Variants in FAM151B observed in about 807,000 individuals in gnomAD.
FAM151B encodes the protein family with sequence similarity 151 member B, also known as protein FAM151B.
Under a neutral mutation model 31.2 loss-of-function variants are expected in FAM151B, and 24 were observed. The observed-to-expected ratio is 0.77, with a 90% CI of 0.56 to 1.08. The LOEUF (loss-of-function observed/expected upper bound fraction) is 1.08. Among genes scored for constraint, FAM151B ranks in the 50% least tolerant of loss-of-function variants. FAM151B has a pLI of 0.00. For missense variants in FAM151B, 293 were observed against 328.6 expected (o/e 0.89, Z 0.84); for synonymous variants, 105 against 111.4 (o/e 0.94, Z 0.36).
chr5:80,530,956 T>G (rs1046430941), intron 5 of FAM151B, among the ~76,000 whole-genome samples: 5 of 152,150 alleles, frequency 3.3e-5, no homozygotes, highest in African/African-American at 1.2e-4. Context: ...AGAGCAAAGC[T>G]GGAGGCATCA....
intron 1 of FAM151B, among the ~76,000 whole-genome samples, chr5:80,496,799 ATTTTTTTTTTTTTTTT>A (rs367658683): frequency 3.5e-5 from 2 of 57,738 alleles, no homozygotes; most frequent in African/African-American, 1.2e-4. Flanking sequence ...TTTTTGCTTA[ATTTTTTTTTTTTTTTT>A]TTTTTTTTTT....
intron 5 of FAM151B, among the ~76,000 whole-genome samples, chr5:80,532,629 TCTGCA>T (rs1745295079): frequency 6.6e-6 from 1 of 152,206 alleles, no homozygotes; most frequent in Admixed American, 6.5e-5. Context: ...TGTCACTTAA[TCTGCA>T]CTATAGAGCA....
chr5:80,513,316 A>G (rs1744266171), intron 2 of FAM151B, among the ~76,000 whole-genome samples: 1 of 152,164 alleles, frequency 6.6e-6, no homozygotes, highest in Non-Finnish European at 1.5e-5. Flanking sequence ...TTCATTATGT[A>G]TGTACTTTGC....
Position 80,514,091 on chromosome 5 carries a change from G to A in FAM151B, c.317+322G>A, listed in dbSNP as rs112961040. Among the ~76,000 whole-genome samples the A allele has an allele frequency of 5.9e-3, 901 of 152,306 alleles. 13 individuals are homozygous for A. Among genetic ancestry groups the A allele is most frequent in the African/African-American group, 0.021 (868 of 41,574 alleles). Reference sequence around the variant, plus strand: ...GAGCTGGGAGAAATTCATTGAGCTAGTTAATGCATACCCTATTTGATTTAT... The same window carrying A: ...GAGCTGGGAGAAATTCATTGAGCTAATTAATGCATACCCTATTTGATTTAT... On this transcript the variant is annotated intron_variant, in intron 3 of 5. Coordinates refer to ENST00000282226, the MANE Select transcript of FAM151B (RefSeq NM_205548.3).
At chr5:80,499,452 G>C (rs1301777366) in intron 1 of FAM151B, among the ~76,000 whole-genome samples, 1 of 152,206 alleles carries the variant, frequency 6.6e-6, no homozygotes, top group Non-Finnish European at 1.5e-5. Flanking sequence ...TAGATATGCA[G>C]TAAGATATGC....
Position 80,538,653 on chromosome 5 carries a change from G to A in FAM151B, c.672-3020G>A, listed in dbSNP as rs145557289. Among the ~76,000 whole-genome samples, 570 of 148,544 alleles carry A rather than the reference G, an allele frequency of 3.8e-3. 3 individuals carry two copies. The highest frequency in any genetic ancestry group is 0.013 in the African/African-American group (531 of 40,180). On this transcript the variant is annotated intron_variant, in intron 5 of 5. Transcript: ENST00000282226. The stretch of plus-strand genomic sequence containing the variant: ...GCTCTGTTGCCCAGACTGGAGTGCA[G>A]TGGCAGGATCTTGGCTCACTGCAAC...
intron 1 of FAM151B, among the ~76,000 whole-genome samples, chr5:80,497,111 T>C (rs1743576292): frequency 6.6e-6 from 1 of 150,812 alleles, no homozygotes; most frequent in Non-Finnish European, 1.5e-5. Flanking sequence ...ATGCCCAGCC[T>C]AATTTTTTTC....
At position 80,522,139 on chromosome 5, in the gene FAM151B, G is replaced by C. The variant is rs758338485; in HGVS notation, c.671+1G>C. 1 of 1,610,794 alleles carries C rather than the reference G, an allele frequency of 6.2e-7. No individual in the cohort carries two copies. Among genetic ancestry groups the C allele is most frequent in the Non-Finnish European group, 8.5e-7 (1 of 1,177,462 alleles). ...TTTGGCTGTTAAAGAAATCAAACAG[G>C]TATGTAATAGTTTAACAAATGTGTA... On this transcript the variant is annotated splice_donor_variant, in intron 5 of 5. Coordinates refer to ENST00000282226, the MANE Select transcript of FAM151B (RefSeq NM_205548.3). LOFTEE classifies it high-confidence loss of function.
At chr5:80,520,644 CAA>C (rs766500639) in intron 4 of FAM151B, among the ~76,000 whole-genome samples, 9 of 67,058 alleles carry the variant, frequency 1.3e-4, no homozygotes, top group Admixed American at 5.0e-4. Context: ...GACTCTGTCT[CAA>C]AAAAAAAAAA....
chr5:80,503,347 T>A (rs1743821522), intron 2 of FAM151B, among the ~76,000 whole-genome samples: 2 of 152,086 alleles, frequency 1.3e-5, no homozygotes, highest in African/African-American at 4.8e-5. Context: ...GTTGGGTGGA[T>A]CATTTGACCC....
intron 5 of FAM151B, among the ~76,000 whole-genome samples, chr5:80,535,829 A>G (rs1336005548): frequency 1.3e-5 from 2 of 152,212 alleles, no homozygotes; most frequent in African/African-American, 2.4e-5. Context: ...AAACATTTGC[A>G]AACTACCCAT....
rs375172673 is a variant in FAM151B, at chr5:80,498,220, A to G, written c.26-3572A>G. ...TAAAGAATGATGGCCATGTGTTGCC[A>G]TCTCAGTATGAAAGGTCTATGACTC... On this transcript the variant is annotated intron_variant, in intron 1 of 5. Coordinates refer to ENST00000282226, the MANE Select transcript of FAM151B (RefSeq NM_205548.3). Among the ~76,000 whole-genome samples, 5 of 152,320 alleles carry G rather than the reference A, an allele frequency of 3.3e-5. No homozygotes were observed. The East Asian group carries it at 7.7e-4, about 24-fold the overall frequency.
At chr5:80,506,052 G>T (rs566940502) in intron 2 of FAM151B, 4 of 986,202 alleles carry the variant, frequency 4.1e-6, no homozygotes, top group Non-Finnish European at 4.8e-6. Flanking sequence ...CACCACGCCC[G>T]GCCAAGAACT....
At chr5:80,513,293 A>G (rs1438085382) in intron 2 of FAM151B, among the ~76,000 whole-genome samples, 1 of 152,214 alleles carries the variant, frequency 6.6e-6, no homozygotes, top group Admixed American at 6.5e-5. Flanking sequence ...TTCAGCAAAT[A>G]CTTATTAAGC....
At chr5:80,540,512 C>T (rs1408805366) in intron 5 of FAM151B, among the ~76,000 whole-genome samples, 1 of 151,356 alleles carries the variant, frequency 6.6e-6, no homozygotes, top group East Asian at 1.9e-4. Context: ...AATGTTTTTC[C>T]ATCCATTTCC....
chr5:80,537,628 A>G (rs1216297998), intron 5 of FAM151B, among the ~76,000 whole-genome samples: 4 of 152,188 alleles, frequency 2.6e-5, no homozygotes, highest in African/African-American at 9.7e-5. Flanking sequence ...TCTTCCTGTT[A>G]TAACACATTG....
At chr5:80,491,707 A>C (rs992446556) in intron 1 of FAM151B, among the ~76,000 whole-genome samples, 5 of 152,024 alleles carry the variant, frequency 3.3e-5, no homozygotes, top group African/African-American at 1.2e-4. Flanking sequence ...TGATGTCCCA[A>C]ATGTGAGACT....
chr5:80,533,291 G>T (rs1745331892), intron 5 of FAM151B, among the ~76,000 whole-genome samples: 1 of 151,726 alleles, frequency 6.6e-6, no homozygotes, highest in African/African-American at 2.4e-5. Context: ...GCAGGAGAAT[G>T]GTGTGAACCT....
intron 1 of FAM151B, chr5:80,498,422 TATC>T (rs1379529126): frequency 5.1e-6 from 2 of 395,124 alleles, no homozygotes; most frequent in African/African-American, 4.2e-5. Flanking sequence ...CATTCTCTGA[TATC>T]TTATCAGCAG....
Sources: gnomAD v4.1 joint callset for allele counts (sites outside exome capture counted in the v4.1 genomes callset) on GRCh38, gnomAD v4.1.1 for gene constraint, MANE v1.5 for transcripts, NCBI Gene and HGNC (gene_info 2026-07-23, HGNC 2026-07-21) for gene names.